The following TRHDE variants were observed in gnomAD, a reference collection of about 807,000 sequenced individuals.
The protein encoded by TRHDE is thyrotropin-releasing hormone-degrading ectoenzyme.
TRHDE carries 72 observed loss-of-function variants against 125.7 expected under a neutral mutation model. The observed-to-expected ratio is 0.57, with a 90% confidence interval of 0.47 to 0.70. TRHDE has a LOEUF of 0.70. TRHDE is among the 30% of genes least tolerant of loss of function. The probability of loss-of-function intolerance (pLI) is 0.00; values close to 1 mark genes in which losing one functional copy is unlikely to be tolerated. For synonymous variants in TRHDE, 509 were observed against 509.1 expected, an observed-to-expected ratio of 1.00 and a Z score of 0.00; for missense variants, 1,110 against 1,327.1, an observed-to-expected ratio of 0.84 and a Z score of 2.54.
intron 2 of TRHDE, among the ~76,000 whole-genome samples, chr12:72,188,591 G>A (rs1877276530): frequency 6.6e-6 from 1 of 152,182 alleles, no homozygotes; most frequent in Non-Finnish European, 1.5e-5. Flanking sequence ...GCCCTCTGGT[G>A]AATTAGCTTG....
intron 3 of TRHDE, among the ~76,000 whole-genome samples, chr12:72,400,362 C>A (rs1432251281): frequency 6.6e-6 from 1 of 152,150 alleles, no homozygotes; most frequent in Non-Finnish European, 1.5e-5. Flanking sequence ...ACGAGCAATT[C>A]TTTTGCTCAA....
chr12:72,531,226 TG>T (rs1868534309), intron 6 of TRHDE, among the ~76,000 whole-genome samples: 1 of 152,140 alleles, frequency 6.6e-6, no homozygotes, highest in African/African-American at 2.4e-5. Context: ...TGAGATTAAA[TG>T]TTTTTCATGT....
chr12:72,363,422 A>G (rs1159940700), intron 2 of TRHDE, among the ~76,000 whole-genome samples: 3 of 151,950 alleles, frequency 2.0e-5, no homozygotes, highest in Non-Finnish European at 2.9e-5. Context: ...CTTATCCACC[A>G]TGATCAAGTG....
intron 3 of TRHDE, among the ~76,000 whole-genome samples, chr12:72,388,187 A>T (rs1872506552): frequency 1.3e-5 from 2 of 152,080 alleles, no homozygotes; most frequent in Admixed American, 6.5e-5. Flanking sequence ...ATTCAAATAG[A>T]TGCATGGCTG....
At chr12:72,194,893 G>A (rs974517697) in intron 2 of TRHDE, among the ~76,000 whole-genome samples, 4 of 151,984 alleles carry the variant, frequency 2.6e-5, no homozygotes, top group Non-Finnish European at 5.9e-5. Flanking sequence ...ACCCAGTAAT[G>A]GCATTACTAG....
chr12:72,404,775 G>C (rs1007095355), intron 3 of TRHDE, among the ~76,000 whole-genome samples: 15 of 152,028 alleles, frequency 9.9e-5, no homozygotes, highest in African/African-American at 3.6e-4. Flanking sequence ...ATGAGATTTG[G>C]GTGAGATCAC....
chr12:72,176,286 G>A (rs1010071298), intron 2 of TRHDE, among the ~76,000 whole-genome samples: 10 of 152,282 alleles, frequency 6.6e-5, no homozygotes, highest in African/African-American at 1.7e-4. Context: ...TAAGAGGATC[G>A]CTTGAGCCGG....
intron 15 of TRHDE, among the ~76,000 whole-genome samples, chr12:72,647,537 GATTA>G (rs1034646875): frequency 9.2e-5 from 14 of 151,906 alleles, no homozygotes; most frequent in African/African-American, 3.1e-4. Context: ...TCTTAAACTA[GATTA>G]ATTAATGAAA....
At chr12:72,328,441 A>G (rs1248670345) in intron 2 of TRHDE, among the ~76,000 whole-genome samples, 1 of 148,514 alleles carries the variant, frequency 6.7e-6, no homozygotes, top group East Asian at 1.9e-4. Context: ...ATGCTTGTGC[A>G]TAAGCCTAAA....
chr12:72,449,089 T>C (rs1336861873), intron 3 of TRHDE, among the ~76,000 whole-genome samples: 1 of 152,084 alleles, frequency 6.6e-6, no homozygotes, highest in African/African-American at 2.4e-5. Context: ...CTTCCTCTTT[T>C]CCTCTAAGGT....
chr12:72,543,059 T>G (rs957818658), intron 7 of TRHDE, among the ~76,000 whole-genome samples: 3 of 151,406 alleles, frequency 2.0e-5, no homozygotes, highest in Non-Finnish European at 4.4e-5. Context: ...TATGATGCAT[T>G]CTGCTACTTA....
At chr12:72,598,007 T>C (rs1264120377) in intron 12 of TRHDE, among the ~76,000 whole-genome samples, 1 of 151,704 alleles carries the variant, frequency 6.6e-6, no homozygotes, top group African/African-American at 2.4e-5. Flanking sequence ...CCAGGTAATA[T>C]TTATTTTTCC....
At position 72,257,736 on chromosome 12, in the gene TRHDE, T is replaced by C. The variant is rs557351353; in HGVS notation, n.280-120259T>C. 2 of 152,306 alleles carry C rather than the reference T, an allele frequency of 1.3e-5. 1 individual carries two copies. The highest frequency in any genetic ancestry group is 4.1e-4 in the South Asian group (2 of 4,828). The allele number at this position is 152,306 out of a possible 1,614,324, so 9.4% of individuals were successfully genotyped here. A position where few individuals can be genotyped will look rare whatever the true frequency, so the allele number is the denominator to read the frequency against. ...AGATCTTCTAAAGTTCCTTCTCTTT[T>C]AATAACTTCACACATTCCTGACAAG... On this transcript the variant is annotated intron_variant and non_coding_transcript_variant, in intron 2 of 4. Coordinates refer to the TRHDE transcript ENST00000548156.
At chr12:72,510,801 C>G (rs1212568578) in intron 6 of TRHDE, among the ~76,000 whole-genome samples, 1 of 151,912 alleles carries the variant, frequency 6.6e-6, no homozygotes, top group African/African-American at 2.4e-5. Flanking sequence ...AAAAATTAGG[C>G]AAAGGAGAAA....
At chr12:72,161,772 A>G (rs1037312650) in intron 2 of TRHDE, among the ~76,000 whole-genome samples, 3 of 152,222 alleles carry the variant, frequency 2.0e-5, no homozygotes, top group Admixed American at 6.5e-5. Flanking sequence ...TGTGATGTCA[A>G]ATGAAAAAGA....
chr12:72,590,234 A>G (rs1565801776), intron 12 of TRHDE, among the ~76,000 whole-genome samples: 1 of 152,024 alleles, frequency 6.6e-6, no homozygotes, highest in Non-Finnish European at 1.5e-5. Context: ...CATACTCTAT[A>G]TGATTTCAAA....
chr12:72,294,107 G>T (rs1880196087), intron 2 of TRHDE, among the ~76,000 whole-genome samples: 1 of 152,194 alleles, frequency 6.6e-6, no homozygotes, highest in Non-Finnish European at 1.5e-5. Flanking sequence ...CACAGCCCTG[G>T]CTCAGGGAGT....
Position 72,148,594 on chromosome 12 carries a change from C to T in TRHDE, n.279+42842C>T, listed in dbSNP as rs374486514. Among the ~76,000 whole-genome samples the T allele has an allele frequency of 1.6e-4, 24 of 152,294 alleles. No individual in the cohort carries two copies. In the East Asian group the frequency reaches 2.5e-3, roughly 16 times the overall value. On this transcript the variant is annotated intron_variant and non_coding_transcript_variant, in intron 2 of 4. Coordinates refer to the TRHDE transcript ENST00000548156. ...ATATACACACACATACAAATACACA[C>T]GCATATTCATAGCCTCTGATCCTGC...
rs747394721 is a variant in TRHDE, at chr12:72,286,785, A to G, written c.1019A>G (p.Gln340Arg). The G allele has an allele frequency of 5.0e-6, 8 of 1,613,870 alleles. No individual in the cohort carries two copies. Among genetic ancestry groups the G allele is most frequent in the Non-Finnish European group, 5.9e-6 (7 of 1,179,972 alleles). Residue 340 changes from glutamine (Q) to arginine (R), a missense_variant, in exon 2 of 19, where the codon CAA becomes CGA. By Grantham distance (43) the Gln-to-Arg change is conservative. This residue lies in a region of TRHDE where 252 missense variants were observed against 274.8 expected (regional missense o/e 0.92). Coordinates refer to ENST00000261180, the MANE Select transcript of TRHDE (RefSeq NM_013381.3). ...ACTTTCAAAATCAGCATCAAGCATC[A>G]AGCAACCTATTTATCTTTATCTAAT... ...KATFKISIKH[Q>R]ATYLSLSNMP...
Sources: gnomAD v4.1 joint callset for allele counts (sites outside exome capture counted in the v4.1 genomes callset) on GRCh38, gnomAD v4.1.1 for gene constraint, gnomAD v4.1.1 regional missense constraint, MANE v1.5 for transcripts, NCBI Gene and HGNC (gene_info 2026-07-23, HGNC 2026-07-21) for gene names.